The following TMEM132B variants were observed in gnomAD, a reference collection of about 807,000 sequenced individuals.
TMEM132B encodes the protein transmembrane protein 132B.
Under a neutral mutation model 90.8 loss-of-function variants are expected in TMEM132B, and 18 were observed. The observed-to-expected ratio is 0.20, with a 90% CI of 0.14 to 0.29. TMEM132B has a LOEUF of 0.29. Among genes scored for constraint, TMEM132B ranks in the 10% least tolerant of loss-of-function variants. TMEM132B has a pLI of 1.00. For synonymous variants in TMEM132B, 504 were observed against 523.3 expected, an observed-to-expected ratio of 0.96 and a Z score of 0.50; for missense variants, 1,096 against 1,326.8, an observed-to-expected ratio of 0.83 and a Z score of 2.70.
intron 3 of TMEM132B, among the ~76,000 whole-genome samples, chr12:125,515,145 AAC>A (rs1349068882): frequency 6.6e-6 from 1 of 151,928 alleles, no homozygotes; most frequent in African/African-American, 2.4e-5. Context: ...CACTCACACA[AAC>A]ACATATGTTC....
At chr12:125,416,107 G>A (rs531056936) in intron 3 of TMEM132B, among the ~76,000 whole-genome samples, 1 of 152,300 alleles carries the variant, frequency 6.6e-6, no homozygotes, top group East Asian at 1.9e-4. Context: ...AATGAACTTG[G>A]CATTGCTGGA....
At chr12:125,288,033 G>A (rs1003338281) in intron 1 of TMEM132B, among the ~76,000 whole-genome samples, 2 of 151,894 alleles carry the variant, frequency 1.3e-5, no homozygotes, top group Non-Finnish European at 2.9e-5. Context: ...ACCATGTTCA[G>A]CTAATTTTTT....
intron 1 of TMEM132B, among the ~76,000 whole-genome samples, chr12:125,297,408 C>T (rs1234266731): frequency 1.3e-5 from 2 of 152,204 alleles, no homozygotes; most frequent in Admixed American, 6.5e-5. Context: ...CTGTGTGGAG[C>T]GTCCTGGGGA....
intron 1 of TMEM132B, among the ~76,000 whole-genome samples, chr12:125,194,333 G>A (rs907097851): frequency 6.6e-6 from 1 of 152,110 alleles, no homozygotes; most frequent in African/African-American, 2.4e-5. Flanking sequence ...CGGGAGGGGT[G>A]ACTCAGTAAA....
At position 125,387,909 on chromosome 12, in the gene TMEM132B, C is replaced by T. The variant is rs992676453; in HGVS notation, c.960-27622C>T. Among the ~76,000 whole-genome samples, 43 of 152,180 alleles carry T rather than the reference C, an allele frequency of 2.8e-4. 1 individual carries two copies. Among genetic ancestry groups the T allele is most frequent in the Non-Finnish European group, 5.4e-4 (37 of 68,006 alleles). ...GGAATTCAAAAGAAGGAAAAGTCTT[C>T]GGGGGTCAGTACTGTTGTGGAATGA... On this transcript the variant is annotated intron_variant, in intron 2 of 8. Transcript: ENST00000682704.
intron 3 of TMEM132B, among the ~76,000 whole-genome samples, chr12:125,438,114 ACTC>A (rs1328252148): frequency 1.3e-5 from 2 of 152,148 alleles, no homozygotes; most frequent in African/African-American, 4.8e-5. Context: ...TTCAAACTAA[ACTC>A]CTACAAGAAT....
At chr12:125,298,313 C>A (rs1277991182) in intron 1 of TMEM132B, among the ~76,000 whole-genome samples, 2 of 146,144 alleles carry the variant, frequency 1.4e-5, no homozygotes, top group African/African-American at 5.4e-5. Context: ...ACCAGTCCAT[C>A]TCCCTCCCAC....
chr12:125,258,666 T>C (rs760538363), intron 1 of TMEM132B, among the ~76,000 whole-genome samples: 10 of 152,070 alleles, frequency 6.6e-5, no homozygotes, highest in African/African-American at 1.4e-4. Flanking sequence ...GGAAGGGACA[T>C]AGACCCCACT....
At chr12:125,340,521 C>T (rs1478311423) in intron 1 of TMEM132B, among the ~76,000 whole-genome samples, 1 of 152,032 alleles carries the variant, frequency 6.6e-6, no homozygotes, top group Non-Finnish European at 1.5e-5. Flanking sequence ...ACTTTCTCAG[C>T]ATAACATGGT....
chr12:125,241,628 G>A (rs369924420), intron 1 of TMEM132B, among the ~76,000 whole-genome samples: 37 of 152,276 alleles, frequency 2.4e-4, no homozygotes, highest in South Asian at 2.1e-3. Context: ...GCATGGTTCC[G>A]CTGGCACCTT....
chr12:125,563,227 A>G (rs1884580259), intron 4 of TMEM132B, among the ~76,000 whole-genome samples: 1 of 151,864 alleles, frequency 6.6e-6, no homozygotes, highest in Non-Finnish European at 1.5e-5. Flanking sequence ...AAAATGTGAC[A>G]GAGACTTAAG....
chr12:125,408,326 A>G lies in TMEM132B; in HGVS notation c.960-7205A>G, dbSNP rs779799267. Among the ~76,000 whole-genome samples the G allele has an allele frequency of 7.2e-5, 11 of 152,154 alleles. No individual in the cohort carries two copies. Among genetic ancestry groups the G allele is most frequent in the Non-Finnish European group, 1.5e-4 (10 of 68,022 alleles). ...CACAAATTCGCATGTTGAAATTCTT[A>G]TCCCCAAGGCAGAGTTATTAGGAGG... is the stretch of plus-strand genomic sequence containing the variant. On this transcript the variant is annotated intron_variant, in intron 2 of 8. Transcript: ENST00000682704. The surrounding 1 kb of genome is among the most constrained non-coding windows in gnomAD (Gnocchi z 5.9).
chr12:125,602,384 G>A (rs769005914), intron 5 of TMEM132B, among the ~76,000 whole-genome samples: 1 of 152,174 alleles, frequency 6.6e-6, no homozygotes, highest in African/African-American at 2.4e-5. Flanking sequence ...CTCAATAGAT[G>A]CAGAAAATGC....
chr12:125,541,494 A>G (rs112769691), intron 4 of TMEM132B, among the ~76,000 whole-genome samples: 1,905 of 152,226 alleles, frequency 0.013, 45 homozygotes, highest in African/African-American at 0.043. Flanking sequence ...GAAAAGTGAG[A>G]GGTTGGAGTG....
rs1880980306 is a variant in TMEM132B at position 125,445,464 on chromosome 12, A to G, written c.1106+29787A>G. Among the ~76,000 whole-genome samples the G allele has an allele frequency of 1.3e-5, 2 of 152,360 alleles. No individual in the cohort carries two copies. The highest frequency in any genetic ancestry group is 3.9e-4 in the East Asian group (2 of 5,188). Reference sequence around the variant, plus strand: ...CAAAGTCTAAGCCTTTCTTCTCTGCAGTGAGTACGGTATTTAAGCTTTGTC... The same window carrying G: ...CAAAGTCTAAGCCTTTCTTCTCTGCGGTGAGTACGGTATTTAAGCTTTGTC... On this transcript the variant is annotated intron_variant, in intron 3 of 8. Coordinates refer to ENST00000682704, the MANE Select transcript of TMEM132B (RefSeq NM_001366854.1). This position sits in a 1 kb window ranked among gnomAD's most constrained non-coding sequence, Gnocchi z 4.3.
chr12:125,656,323 A>G lies in TMEM132B; in HGVS notation c.*1613A>G, dbSNP rs1487484469. Reference sequence around the variant, plus strand: ...TCACCTGAAGCAGTGCCCTGACTCCAAATGGCTGATAACTGAGCTAATCCA... The same window carrying G: ...TCACCTGAAGCAGTGCCCTGACTCCGAATGGCTGATAACTGAGCTAATCCA... On this transcript the variant is annotated 3_prime_UTR_variant, in exon 9 of 9. Coordinates refer to ENST00000682704, the MANE Select transcript of TMEM132B (RefSeq NM_001366854.1). The G allele has an allele frequency of 1.3e-5, 2 of 152,234 alleles. No homozygotes were observed. Among genetic ancestry groups the G allele is most frequent in the Non-Finnish European group, 2.9e-5 (2 of 68,040 alleles). 9.4% of individuals were successfully genotyped at this position (152,234 alleles called of 1,614,324 possible). A position where few individuals can be genotyped will look rare whatever the true frequency, so the allele number is the denominator to read the frequency against.
intron 1 of TMEM132B, among the ~76,000 whole-genome samples, chr12:125,248,982 C>A (rs1348656541): frequency 6.6e-6 from 1 of 152,130 alleles, no homozygotes; most frequent in African/African-American, 2.4e-5. Context: ...TGGTTTAGGG[C>A]AAAGGTCAGG....
intron 3 of TMEM132B, among the ~76,000 whole-genome samples, chr12:125,441,377 A>G (rs572526980): frequency 1.4e-4 from 21 of 152,362 alleles, no homozygotes; most frequent in African/African-American, 4.6e-4. Context: ...AAGTTGAAAG[A>G]AACAATGTAA....
chr12:125,579,905 C>T (rs906111681), intron 4 of TMEM132B, among the ~76,000 whole-genome samples: 1 of 152,104 alleles, frequency 6.6e-6, no homozygotes, highest in Admixed American at 6.5e-5. Flanking sequence ...CTCTTGGAAT[C>T]AGATTCTCCT....
Sources: gnomAD v4.1 joint callset for allele counts (sites outside exome capture counted in the v4.1 genomes callset) on GRCh38, gnomAD v4.1.1 for gene constraint, Gnocchi (gnomAD v3.1) non-coding constraint, MANE v1.5 for transcripts, NCBI Gene and HGNC (gene_info 2026-07-23, HGNC 2026-07-21) for gene names.